The following CHRNA7 variants were observed in gnomAD, a reference collection of about 807,000 sequenced individuals.
CHRNA7 encodes neuronal acetylcholine receptor subunit alpha-7.
Under a neutral mutation model 48.0 loss-of-function variants are expected in CHRNA7, and 17 were observed. The ratio of observed to expected loss-of-function variants is 0.35; its 90% CI spans 0.24 to 0.53. The LOEUF (loss-of-function observed/expected upper bound fraction) is 0.53. Ranked by LOEUF, CHRNA7 falls within the 20% of genes least tolerant of loss-of-function variation. The pLI, the probability that CHRNA7 is intolerant of heterozygous loss-of-function variation, is 0.92. For synonymous variants in CHRNA7, 75 were observed against 242.3 expected (o/e 0.31, Z 6.41); for missense variants, 155 against 577.7 (o/e 0.27, Z 7.50).
At chr15:32,085,124 C>T (rs972035960) in intron 2 of CHRNA7, among the ~76,000 whole-genome samples, 3 of 152,052 alleles carry the variant, frequency 2.0e-5, no homozygotes, top group Non-Finnish European at 2.9e-5. Flanking sequence ...CCACTGCACC[C>T]GGCCTCCCCC....
intron 2 of CHRNA7, among the ~76,000 whole-genome samples, chr15:32,068,944 G>C (rs2050010666): frequency 6.6e-6 from 1 of 152,118 alleles, no homozygotes; most frequent in Non-Finnish European, 1.5e-5. Context: ...AATAATGATA[G>C]AAACACTAGA....
intron 2 of CHRNA7, among the ~76,000 whole-genome samples, chr15:32,058,660 G>C (rs2049826833): frequency 6.6e-6 from 1 of 152,168 alleles, no homozygotes; most frequent in South Asian, 2.1e-4. Flanking sequence ...ACTTATTTCA[G>C]AAATGCCACT....
intron 3 of CHRNA7, among the ~76,000 whole-genome samples, chr15:32,108,884 T>C (rs1192536484): frequency 4.6e-5 from 7 of 152,150 alleles, no homozygotes; most frequent in Admixed American, 3.3e-4. Context: ...TCAGAGACAA[T>C]GATTTACCTG....
chr15:32,044,155 T>C (rs981490743), intron 2 of CHRNA7, among the ~76,000 whole-genome samples: 1 of 152,234 alleles, frequency 6.6e-6, no homozygotes, highest in Non-Finnish European at 1.5e-5. Flanking sequence ...TCTGCTCTTT[T>C]GTTTTACCTG....
intron 4 of CHRNA7, among the ~76,000 whole-genome samples, chr15:32,138,508 T>C (rs952423075): frequency 7.6e-6 from 1 of 130,844 alleles, no homozygotes; most frequent in African/African-American, 2.9e-5. Context: ...ACAATTGAAA[T>C]AGATGAACTG....
At chr15:32,068,394 A>G (rs1230543627) in intron 2 of CHRNA7, among the ~76,000 whole-genome samples, 1 of 152,202 alleles carries the variant, frequency 6.6e-6, no homozygotes, top group African/African-American at 2.4e-5. Context: ...ATGAAAATAC[A>G]GAGATTGACA....
At chr15:32,091,232 C>T (rs1196384874) in intron 2 of CHRNA7, among the ~76,000 whole-genome samples, 1 of 152,132 alleles carries the variant, frequency 6.6e-6, no homozygotes, top group African/African-American at 2.4e-5. Flanking sequence ...GCTTATTCCT[C>T]CTGACTTGGT....
chr15:32,048,314 T>C (rs2049593615), intron 2 of CHRNA7, among the ~76,000 whole-genome samples: 1 of 152,222 alleles, frequency 6.6e-6, no homozygotes, highest in South Asian at 2.1e-4. Flanking sequence ...CTCTTTCTGG[T>C]TGGTAAGCTA....
chr15:32,109,098 G>A (rs1358842068), intron 3 of CHRNA7, among the ~76,000 whole-genome samples: 5 of 152,184 alleles, frequency 3.3e-5, no homozygotes, highest in African/African-American at 9.7e-5. Flanking sequence ...GGAAAGTAGA[G>A]GAATAAAAGA....
At chr15:32,114,020 A>ATATATATATATATATATATATATATG (rs2050808057) in intron 4 of CHRNA7, among the ~76,000 whole-genome samples, 1 of 20,960 alleles carries the variant, frequency 4.8e-5, no homozygotes, top group South Asian at 1.3e-3. Context: ...CTATCTCCAA[A>ATATATATATATATATATATATATATG]TATATATATA....
chr15:32,066,555 C>T (rs1183857213), intron 2 of CHRNA7, among the ~76,000 whole-genome samples: 2 of 152,212 alleles, frequency 1.3e-5, no homozygotes, highest in South Asian at 2.1e-4. Context: ...ACTGGGATTA[C>T]AGGCATGAGC....
chr15:32,082,822 A>T (rs939232459), intron 2 of CHRNA7, among the ~76,000 whole-genome samples: 1 of 152,130 alleles, frequency 6.6e-6, no homozygotes, highest in Non-Finnish European at 1.5e-5. Flanking sequence ...GTTTTTTAGT[A>T]TAATTTCTTA....
At chr15:32,108,994 A>G (rs1042202759) in intron 3 of CHRNA7, among the ~76,000 whole-genome samples, 1 of 151,882 alleles carries the variant, frequency 6.6e-6, no homozygotes, top group African/African-American at 2.4e-5. Context: ...TTCTGCCACT[A>G]CGGTTACCTG....
intron 4 of CHRNA7, among the ~76,000 whole-genome samples, chr15:32,146,997 G>T (rs2051502259): frequency 1.3e-5 from 2 of 152,266 alleles, no homozygotes; most frequent in Non-Finnish European, 2.9e-5. Context: ...GCTGGGTCAG[G>T]GATAGACATG....
In CHRNA7 at chr15:32,149,889, G is replaced by A. The variant is rs2051586889; in HGVS notation, c.351-4018G>A. Among the ~76,000 whole-genome samples, 1 of 150,984 alleles carries A rather than the reference G, an allele frequency of 6.6e-6. No individual in the cohort carries two copies. The highest frequency in any genetic ancestry group is 2.4e-5 in the African/African-American group (1 of 41,032). On this transcript the variant is annotated intron_variant, in intron 4 of 9. Coordinates refer to ENST00000306901, the MANE Select transcript of CHRNA7 (RefSeq NM_000746.6). This position sits in a 1 kb window ranked among gnomAD's most constrained non-coding sequence, Gnocchi z 4.6. ...TTGTAGGAACTTTTTTTTTTTCAGA[G>A]TTGAATCACTGATCTAACAGATGCT...
At chr15:32,147,716 A>G (rs2051521144) in intron 4 of CHRNA7, among the ~76,000 whole-genome samples, 1 of 152,148 alleles carries the variant, frequency 6.6e-6, no homozygotes, top group South Asian at 2.1e-4. Flanking sequence ...GTTTGATTCT[A>G]CTCAAGACTT....
intron 2 of CHRNA7, among the ~76,000 whole-genome samples, chr15:32,052,905 A>C (rs1183008557): frequency 6.6e-6 from 1 of 152,172 alleles, no homozygotes; most frequent in African/African-American, 2.4e-5. Context: ...TAAAAGATAA[A>C]TGTTTGAGGT....
At chr15:32,135,901 G>A (rs182003817) in intron 4 of CHRNA7, among the ~76,000 whole-genome samples, 1 of 152,274 alleles carries the variant, frequency 6.6e-6, no homozygotes, top group African/African-American at 2.4e-5. Context: ...AACAGTAGAA[G>A]CCAGAAAAAT....
At chr15:32,096,469 G>T (rs2050470773) in intron 2 of CHRNA7, among the ~76,000 whole-genome samples, 2 of 152,234 alleles carry the variant, frequency 1.3e-5, no homozygotes, top group South Asian at 4.1e-4. Context: ...AATATGGTTG[G>T]TGTAAAGATT....
Sources: allele counts gnomAD v4.1 joint callset (sites outside exome capture counted in the v4.1 genomes callset), GRCh38; gene constraint gnomAD v4.1.1; non-coding constraint Gnocchi (gnomAD v3.1); transcripts MANE v1.5; gene names NCBI Gene and HGNC (gene_info 2026-07-23, HGNC 2026-07-21).